The following RARB variants were observed in gnomAD, a reference collection of about 807,000 sequenced individuals.
RARB encodes the protein HBV-activated protein.
RARB carries 17 observed loss-of-function variants against 51.9 expected under a neutral mutation model. The observed-to-expected ratio is 0.33, with a 90% CI of 0.22 to 0.49. The LOEUF (loss-of-function observed/expected upper bound fraction) is 0.49, where lower values mean the gene tolerates loss of function less well. Among genes scored for constraint, RARB ranks in the 20% least tolerant of loss-of-function variants. RARB has a pLI of 0.99. For missense variants in RARB, 369 were observed against 550.8 expected, an observed-to-expected ratio of 0.67 and a Z score of 3.30; for synonymous variants, 215 against 195.4, an observed-to-expected ratio of 1.10 and a Z score of -0.84.
chr3:25,052,766 C>T (rs1698362549), intron 2 of RARB, among the ~76,000 whole-genome samples: 1 of 152,132 alleles, frequency 6.6e-6, no homozygotes, highest in Non-Finnish European at 1.5e-5. Context: ...TCTTCCCTTA[C>T]ACCAGAGGTA....
chr3:24,988,800 C>T (rs1398409118), intron 2 of RARB, among the ~76,000 whole-genome samples: 1 of 151,856 alleles, frequency 6.6e-6, no homozygotes, highest in African/African-American at 2.4e-5. Flanking sequence ...TATTGATGGC[C>T]ACTTATTATT....
chr3:25,272,841 A>G (rs1703285903), intron 5 of RARB, among the ~76,000 whole-genome samples: 1 of 152,168 alleles, frequency 6.6e-6, no homozygotes, highest in Admixed American at 6.5e-5. Flanking sequence ...TAGTTGTGTA[A>G]CTTTGGATAC....
intron 2 of RARB, among the ~76,000 whole-genome samples, chr3:25,495,685 C>T (rs58168974): frequency 0.037 from 5,658 of 152,236 alleles, 334 homozygotes; most frequent in African/African-American, 0.13. Context: ...GAAAAATCCA[C>T]GGTTAGAAAA....
At chr3:25,033,267 G>A (rs1252989262) in intron 2 of RARB, among the ~76,000 whole-genome samples, 1 of 152,180 alleles carries the variant, frequency 6.6e-6, no homozygotes, top group East Asian at 1.9e-4. Flanking sequence ...AGCAAGTGGA[G>A]CAAAGACAAT....
intron 5 of RARB, among the ~76,000 whole-genome samples, chr3:25,274,778 C>T (rs781028544): frequency 6.6e-6 from 1 of 151,952 alleles, no homozygotes; most frequent in Non-Finnish European, 1.5e-5. Context: ...TTCATTATAG[C>T]GGCAAAAATA....
At chr3:24,898,972 T>G (rs1703538946) in intron 2 of RARB, among the ~76,000 whole-genome samples, 1 of 152,150 alleles carries the variant, frequency 6.6e-6, no homozygotes, top group African/African-American at 2.4e-5. Context: ...CATGACCACC[T>G]CTGGCTTGAA....
At chr3:25,053,405 T>A (rs936174153) in intron 2 of RARB, among the ~76,000 whole-genome samples, 1 of 152,158 alleles carries the variant, frequency 6.6e-6, no homozygotes, top group East Asian at 1.9e-4. Flanking sequence ...ACATCCTTAA[T>A]CCAAAAGCAG....
Position 25,594,389 on chromosome 3 carries a change from A to C in RARB, c.992-131A>C, listed in dbSNP as rs957442384. Reference sequence around the variant, plus strand: ...TATCACTGCTTAAAGCAACTGCATAAGTCTGCAAATTTGTGTATGTAATTG... The same window carrying C: ...TATCACTGCTTAAAGCAACTGCATACGTCTGCAAATTTGTGTATGTAATTG... On this transcript the variant is annotated intron_variant, in intron 6 of 7. Transcript: ENST00000330688. The C allele has an allele frequency of 1.9e-5, 19 of 1,019,062 alleles. No homozygotes were observed. The Admixed American group carries it at 2.2e-4, about 12-fold the overall frequency. 63.1% of individuals were successfully genotyped at this position (1,019,062 alleles called of 1,614,324 possible).
intron 3 of RARB, among the ~76,000 whole-genome samples, chr3:25,127,555 G>A (rs1011684929): frequency 6.6e-6 from 1 of 152,030 alleles, no homozygotes; most frequent in Non-Finnish European, 1.5e-5. Context: ...CTGTTTACGT[G>A]TTCATTTTCT....
Position 25,081,586 on chromosome 3 carries a change from CATATATATATATATATAT to C in RARB, c.-328+21429_-328+21446del, listed in dbSNP as rs1161956011. On this transcript the variant is annotated intron_variant, in intron 3 of 11. Coordinates refer to the RARB transcript ENST00000383772. ...CTTTTGCTAGTGTTTGCTTCATATA[CATATATATATATATATAT>C]ATATATATATATATATATTTTTTTT... Among the ~76,000 whole-genome samples, 56 of 19,628 alleles carry C rather than the reference CATATATATATATATATAT, an allele frequency of 2.9e-3. 3 individuals are homozygous for C. Among genetic ancestry groups the C allele is most frequent in the Admixed American group, 0.023 (21 of 912 alleles). 12.9% of individuals were successfully genotyped at this position (19,628 alleles called of 152,430 possible).
chr3:25,159,909 A>G (rs1300073222), intron 4 of RARB, among the ~76,000 whole-genome samples: 3 of 152,188 alleles, frequency 2.0e-5, no homozygotes, highest in African/African-American at 4.8e-5. Context: ...TAATTCAGAC[A>G]CATCTTTATT....
At chr3:25,146,627 C>T (rs1341667677) in intron 4 of RARB, among the ~76,000 whole-genome samples, 3 of 151,846 alleles carry the variant, frequency 2.0e-5, no homozygotes, top group Non-Finnish European at 4.4e-5. Flanking sequence ...CCTGCCTCAG[C>T]CTCCCCAGTA....
intron 2 of RARB, among the ~76,000 whole-genome samples, chr3:24,890,596 A>C (rs948732375): frequency 6.6e-6 from 1 of 152,184 alleles, no homozygotes; most frequent in Non-Finnish European, 1.5e-5. Flanking sequence ...GTGGGGGGCA[A>C]CTACCCCTCA....
intron 2 of RARB, among the ~76,000 whole-genome samples, chr3:24,923,863 A>G (rs1007565607): frequency 5.3e-5 from 8 of 152,174 alleles, no homozygotes; most frequent in African/African-American, 1.9e-4. Context: ...TAAAAGTACT[A>G]ACAGTGAATT....
chr3:25,254,206 G>C (rs113746213), intron 5 of RARB, among the ~76,000 whole-genome samples: 1 of 152,078 alleles, frequency 6.6e-6, no homozygotes, highest in Admixed American at 6.6e-5. Flanking sequence ...TTAAAAATTT[G>C]TCAGTGTTTC....
intron 4 of RARB, among the ~76,000 whole-genome samples, chr3:25,157,350 TTGTGTGTGTGTG>T (rs748559000): frequency 2.8e-5 from 4 of 144,994 alleles, no homozygotes; most frequent in African/African-American, 1.0e-4. Flanking sequence ...GTGTGTGTGT[TTGTGTGTGTGTG>T]TGTGTGTGTG....
intron 2 of RARB, among the ~76,000 whole-genome samples, chr3:25,031,117 G>A (rs1214930083): frequency 1.3e-5 from 2 of 152,056 alleles, no homozygotes; most frequent in Non-Finnish European, 2.9e-5. Context: ...CAGCATCCCC[G>A]GCCTCAACTC....
intron 2 of RARB, among the ~76,000 whole-genome samples, chr3:25,473,061 C>G (rs961861574): frequency 2.0e-5 from 3 of 152,194 alleles, no homozygotes; most frequent in African/African-American, 7.2e-5. Flanking sequence ...GTCATACCAG[C>G]ACAACGCAAT....
chr3:24,892,694 T>C (rs1703408824), intron 2 of RARB, among the ~76,000 whole-genome samples: 1 of 152,236 alleles, frequency 6.6e-6, no homozygotes, highest in African/African-American at 2.4e-5. Context: ...GTATTTTAAC[T>C]GAGAATGTAA....
Sources: allele counts gnomAD v4.1 joint callset (sites outside exome capture counted in the v4.1 genomes callset), GRCh38; gene constraint gnomAD v4.1.1; transcripts MANE v1.5; gene names NCBI Gene and HGNC (gene_info 2026-07-23, HGNC 2026-07-21).